TMC7: variants seen among roughly 807,000 people sequenced by gnomAD.
The protein encoded by TMC7 is transmembrane channel like 7.
A neutral mutation model predicts 82.9 loss-of-function variants in TMC7; 54 were observed. That is an observed-to-expected ratio of 0.65 (90% CI 0.52 to 0.82). The LOEUF is 0.82. TMC7 is among the 40% of genes least tolerant of loss of function. The pLI is 0.00. For missense variants in TMC7, 820 were observed against 901.2 expected, an observed-to-expected ratio of 0.91 and a Z score of 1.15; for synonymous variants, 350 against 337.9, an observed-to-expected ratio of 1.04 and a Z score of -0.39.
intron 5 of TMC7, among the ~76,000 whole-genome samples, chr16:19,027,202 T>C (rs1960278062): frequency 6.7e-6 from 1 of 150,184 alleles, no homozygotes. Flanking sequence ...CCCAAGTAGC[T>C]GGATTACAGG....
In TMC7 at chr16:19,059,551, A is replaced by G. The variant is rs764749522; in HGVS notation, c.2106+57A>G. 3 of 1,613,990 alleles carry G rather than the reference A, an allele frequency of 1.9e-6. No individual in the cohort carries two copies. In the South Asian group the frequency reaches 3.3e-5, roughly 18 times the overall value. On this transcript the variant is annotated intron_variant, in intron 15 of 15. Transcript: ENST00000304381. The stretch of plus-strand genomic sequence containing the variant: ...TGGGGACATTTACCCAGGACACTGC[A>G]AGGAAAGTGCTGTTTTCCTGGGAGG...
rs1185596722 is a variant in TMC7 at position 19,061,784 on chromosome 16, C to T, written c.2113C>T (p.Arg705Cys). The T allele has an allele frequency of 4.3e-6, 7 of 1,612,908 alleles. No individual in the cohort carries two copies. The highest frequency in any genetic ancestry group is 1.1e-5 in the South Asian group (1 of 90,950). The change falls in exon 16 of 16, where the codon CGT becomes TGT. Residue 705 changes from arginine (R) to cysteine (C), a missense_variant. Physicochemically the swap from Arg to Cys is radical, Grantham distance 180. Coordinates refer to ENST00000304381, the MANE Select transcript of TMC7 (RefSeq NM_024847.4). The part of the protein sequence containing the change: ...QLREQLSLES[R>C]DKCYLIQKLT... ...TGAACTTATTATTTTTTAGGAAAGT[C>T]GTGACAAGTGCTACCTAATCCAGAA...
chr16:18,986,965 T>C (rs1057393621), intron 1 of TMC7, among the ~76,000 whole-genome samples: 93 of 151,184 alleles, frequency 6.2e-4, no homozygotes, highest in Non-Finnish European at 1.1e-3. Flanking sequence ...CCACCACGCC[T>C]GGCTAATTTT....
At chr16:19,029,526 T>C (rs1960404284) in intron 5 of TMC7, among the ~76,000 whole-genome samples, 1 of 152,008 alleles carries the variant, frequency 6.6e-6, no homozygotes, top group Non-Finnish European at 1.5e-5. Context: ...TGCACCTCTA[T>C]GCCTAGCTAA....
chr16:19,011,551 T>TAAATAA (rs1567508695), intron 2 of TMC7, among the ~76,000 whole-genome samples: 4 of 81,154 alleles, frequency 4.9e-5, no homozygotes, highest in Non-Finnish European at 9.2e-5. Flanking sequence ...ATAAATAAAA[T>TAAATAA]AATAATAATA....
intron 2 of TMC7, among the ~76,000 whole-genome samples, chr16:19,012,788 CAAAAAAAAAAAAAAAA>C (rs139163132): frequency 1.5e-5 from 1 of 66,610 alleles, no homozygotes; most frequent in Non-Finnish European, 2.4e-5. Context: ...GATTCCATCT[CAAAAAAAAAAAAAAAA>C]AAAAAAAAAA....
intron 1 of TMC7, among the ~76,000 whole-genome samples, chr16:18,990,058 G>A (rs2038922631): frequency 6.6e-6 from 1 of 152,102 alleles, no homozygotes; most frequent in Non-Finnish European, 1.5e-5. Flanking sequence ...TAAGAGCAAT[G>A]TTTTGCAGGC....
At chr16:19,059,015 T>G (rs961602431) in intron 14 of TMC7, among the ~76,000 whole-genome samples, 14 of 152,164 alleles carry the variant, frequency 9.2e-5, no homozygotes, top group African/African-American at 3.4e-4. Flanking sequence ...GTAGCTGGGA[T>G]TATAGGCGTC....
intron 13 of TMC7, among the ~76,000 whole-genome samples, chr16:19,054,710 C>T (rs1471959513): frequency 7.1e-6 from 1 of 140,160 alleles, no homozygotes; most frequent in Non-Finnish European, 1.5e-5. Context: ...GAGTGTAACT[C>T]TGTCTCAAAA....
intron 7 of TMC7, 66 bp from the exon 8 acceptor site, chr16:19,037,808 A>C (rs1960824274): frequency 1.3e-6 from 2 of 1,491,226 alleles, no homozygotes; most frequent in South Asian, 2.6e-5. Flanking sequence ...AGAATGATGA[A>C]TCAATTTCTA....
At chr16:19,044,068 A>G (rs73528937) in intron 9 of TMC7, among the ~76,000 whole-genome samples, 9,740 of 151,474 alleles carry the variant, frequency 0.064, 403 homozygotes, top group South Asian at 0.13. Context: ...CAGTTTCACC[A>G]TGTTGACTAG....
At chr16:19,007,000 T>G (rs1158707713) in intron 1 of TMC7, among the ~76,000 whole-genome samples, 1 of 151,686 alleles carries the variant, frequency 6.6e-6, no homozygotes, top group Non-Finnish European at 1.5e-5. Context: ...TTTTTTTGTA[T>G]TTTTAGTAGA....
chr16:18,987,478 T>G lies in TMC7; in HGVS notation c.67+3348T>G, dbSNP rs542770789. Among the ~76,000 whole-genome samples, 810 of 152,064 alleles carry G rather than the reference T, an allele frequency of 5.3e-3. 8 individuals carry two copies. The highest frequency in any genetic ancestry group is 0.019 in the African/African-American group (777 of 41,482). ...GGCACGTGCCACCATGCCCAGCTGA[T>G]TTTTGTACTTTTAGTAGAAACGGGC... is the stretch of plus-strand genomic sequence containing the variant. On this transcript the variant is annotated intron_variant, in intron 1 of 15. Coordinates refer to ENST00000304381, the MANE Select transcript of TMC7 (RefSeq NM_024847.4).
intron 1 of TMC7, among the ~76,000 whole-genome samples, chr16:18,992,670 C>A (rs191590420): frequency 7.2e-5 from 11 of 152,222 alleles, no homozygotes; most frequent in Admixed American, 5.9e-4. Context: ...GAAGTCCTTG[C>A]CCATGCCTAT....
intron 14 of TMC7, among the ~76,000 whole-genome samples, 185 bp downstream of exon 14, chr16:19,056,882 TG>T (rs1961800566): frequency 6.6e-6 from 1 of 151,820 alleles, no homozygotes; most frequent in Non-Finnish European, 1.5e-5. Flanking sequence ...CCCAACACTT[TG>T]GGTGGCTGAG....
At chr16:19,018,751 C>T (rs1183565223) in intron 3 of TMC7, among the ~76,000 whole-genome samples, 1 of 151,964 alleles carries the variant, frequency 6.6e-6, no homozygotes, top group African/African-American at 2.4e-5. Context: ...GCCTGGGTAA[C>T]ATAGTAAGAT....
chr16:18,996,587 G>A (rs1450555478), intron 1 of TMC7, among the ~76,000 whole-genome samples: 1 of 152,186 alleles, frequency 6.6e-6, no homozygotes, highest in African/African-American at 2.4e-5. Flanking sequence ...GGTCAGGTGC[G>A]AGTTGAAGAG....
intron 4 of TMC7, among the ~76,000 whole-genome samples, chr16:19,022,425 A>G (rs1960022278): frequency 6.6e-6 from 1 of 152,196 alleles, no homozygotes; most frequent in African/African-American, 2.4e-5. Context: ...GTGGTCCCCT[A>G]AGATTATAAT....
rs2142332307 is a variant in TMC7 at position 19,062,028 on chromosome 16, T to C, written c.*185T>C. 1 of 434,170 alleles carries C rather than the reference T, an allele frequency of 2.3e-6. No individual in the cohort carries two copies. The allele number at this position is 434,170 out of a possible 1,614,324, so 26.9% of individuals were successfully genotyped here. The stretch of plus-strand genomic sequence containing the variant: ...GCCCTTAATTAGGGCTTCAGTGACT[T>C]AGAAAAGCAGGGGAAACCCAAGGCT... On this transcript the variant is annotated 3_prime_UTR_variant, in exon 16 of 16. Coordinates refer to ENST00000304381, the MANE Select transcript of TMC7 (RefSeq NM_024847.4).
Sources: allele counts gnomAD v4.1 joint callset (sites outside exome capture counted in the v4.1 genomes callset), GRCh38; gene constraint gnomAD v4.1.1; transcripts MANE v1.5; gene names NCBI Gene and HGNC (gene_info 2026-07-23, HGNC 2026-07-21).